Variants in DHX57 observed in about 807,000 individuals in gnomAD.
DHX57 encodes DExH-box helicase 57.
DHX57 carries 105 observed loss-of-function variants against 156.2 expected under a neutral mutation model. The ratio of observed to expected loss-of-function variants is 0.67; its 90% CI spans 0.57 to 0.79. The LOEUF is 0.79. Among genes scored for constraint, DHX57 ranks in the 30% least tolerant of loss-of-function variants. The probability of loss-of-function intolerance (pLI) is 0.00; values close to 1 mark genes in which losing one functional copy is unlikely to be tolerated. For synonymous variants in DHX57, 704 were observed against 595.6 expected (o/e 1.18, Z -2.65); for missense variants, 1,847 against 1,661.9 (o/e 1.11, Z -1.94).
chr2:38,802,776 C>A lies in DHX57; in HGVS notation c.3956G>T (p.Arg1319Ile). The A allele has an allele frequency of 1.2e-6, 2 of 1,614,202 alleles. No individual in the cohort carries two copies. The highest frequency in any genetic ancestry group is 2.2e-5 in the South Asian group (2 of 91,084). Reference sequence around the variant, plus strand: ...ATCCAGGGAGACAACGAACTCTCCTCTTTGAAGCTGCACATTCACTTGGCC... The same window carrying A: ...ATCCAGGGAGACAACGAACTCTCCTATTTGAAGCTGCACATTCACTTGGCC... Reference protein sequence around the residue: ...GGGQVNVQLQRGEFVVSLDDG... With the variant: ...GGGQVNVQLQIGEFVVSLDDG... The change falls in exon 23 of 24, where the codon AGA becomes ATA. Residue 1319 changes from arginine to isoleucine, a missense_variant. Physicochemically the swap from Arg to Ile is moderately conservative, Grantham distance 97. Coordinates refer to ENST00000457308, the MANE Select transcript of DHX57 (RefSeq NM_198963.3).
chr2:38,816,364 G>GC (rs1176400456), intron 19 of DHX57, among the ~76,000 whole-genome samples: 1 of 152,022 alleles, frequency 6.6e-6, no homozygotes, highest in African/African-American at 2.4e-5. Context: ...ACAGGTGTGT[G>GC]CCACCACGCC....
At chr2:38,802,288 CTTT>C (rs35572458) in intron 23 of DHX57, among the ~76,000 whole-genome samples, 2 of 131,664 alleles carry the variant, frequency 1.5e-5, no homozygotes. Flanking sequence ...CCATCATTCA[CTTT>C]TTTTTTTTTT....
chr2:38,868,251 T>C lies in DHX57; in HGVS notation c.155A>G (p.Lys52Arg). The C allele has an allele frequency of 1.2e-6, 2 of 1,614,096 alleles. No homozygotes were observed. The highest frequency in any genetic ancestry group is 2.2e-5 in the South Asian group (2 of 91,086). ...GGGGGGGGNR[K>R]ASSRIWDDGD... ...ATCATCCCATATTCTACTGGAGGCCTTTCTGTTGCCGCCACCTCCACCACC... is the reference window on the plus strand; with the variant it reads ...ATCATCCCATATTCTACTGGAGGCCCTTCTGTTGCCGCCACCTCCACCACC... The change falls in exon 2 of 24, where the codon AAG (lysine) becomes AGG (arginine). Residue 52 changes from lysine to arginine, a missense_variant. By Grantham distance (26) the Lys-to-Arg change is conservative (BLOSUM62 2). Transcript: ENST00000457308.
intron 23 of DHX57, among the ~76,000 whole-genome samples, chr2:38,802,131 C>T (rs1300605787): frequency 1.3e-5 from 2 of 152,052 alleles, no homozygotes; most frequent in African/African-American, 4.8e-5. Context: ...GGTCCAGCAC[C>T]CTCACTTTAC....
At chr2:38,838,640 T>C (rs1572668062) in intron 12 of DHX57, 1 of 317,456 alleles carries the variant, frequency 3.2e-6, no homozygotes, top group Non-Finnish European at 6.3e-6. Context: ...ATGAATGAGA[T>C]ATGCTGGAAG....
At chr2:38,860,636 T>C (rs975800940) in intron 5 of DHX57, among the ~76,000 whole-genome samples, 1 of 152,098 alleles carries the variant, frequency 6.6e-6, no homozygotes, top group Non-Finnish European at 1.5e-5. Flanking sequence ...AAAAATTCAT[T>C]TGAAAGTAAT....
At position 38,856,592 on chromosome 2, in the gene DHX57, T is replaced by C. The variant is rs140458592; in HGVS notation, c.1588-131A>G. The C allele has an allele frequency of 9.6e-5, 115 of 1,198,894 alleles. No individual in the cohort carries two copies. In the East Asian group the frequency reaches 3.0e-3, roughly 31 times the overall value. The allele number at this position is 1,198,894 out of a possible 1,614,324, so 74.3% of individuals were successfully genotyped here. A position where few individuals can be genotyped will look rare whatever the true frequency, so the allele number is the denominator to read the frequency against. On this transcript the variant is annotated intron_variant, in intron 6 of 23. Coordinates refer to ENST00000457308, the MANE Select transcript of DHX57 (RefSeq NM_198963.3). ...GATCACGGCTCACTCCAATCTGCACTTCCCAGGCTCTAGCGATCCTCCCGC... is the reference window on the plus strand; with the variant it reads ...GATCACGGCTCACTCCAATCTGCACCTCCCAGGCTCTAGCGATCCTCCCGC...
chr2:38,819,367 A>C (rs1670703043), intron 17 of DHX57, among the ~76,000 whole-genome samples: 1 of 152,140 alleles, frequency 6.6e-6, no homozygotes, highest in Non-Finnish European at 1.5e-5. Context: ...GTAGAGACGG[A>C]GTCTCACCAT....
chr2:38,852,795 T>C (rs1040925466), intron 9 of DHX57, among the ~76,000 whole-genome samples: 1 of 151,998 alleles, frequency 6.6e-6, no homozygotes, highest in Non-Finnish European at 1.5e-5. Flanking sequence ...TTTTATTTTA[T>C]GCCTCACCCT....
intron 5 of DHX57, 30 bp downstream of exon 5, chr2:38,860,969 C>G: frequency 6.3e-7 from 1 of 1,578,142 alleles, no homozygotes; most frequent in Non-Finnish European, 8.7e-7. Flanking sequence ...TTCTGAATGC[C>G]TCCCTCCACA....
intron 11 of DHX57, 118 bp from the exon 12 acceptor site, chr2:38,843,328 C>T (rs1371316615): frequency 2.0e-6 from 2 of 996,052 alleles, no homozygotes; most frequent in Admixed American, 2.1e-5. Context: ...AATTCACATG[C>T]CATCCTTCCA....
chr2:38,869,242 G>T (rs908860519), intron 1 of DHX57, among the ~76,000 whole-genome samples: 1 of 152,222 alleles, frequency 6.6e-6, no homozygotes, highest in Non-Finnish European at 1.5e-5. Flanking sequence ...GAAGTAGGCC[G>T]TAAGACAGAT....
intron 19 of DHX57, among the ~76,000 whole-genome samples, chr2:38,817,267 G>T (rs1670592978): frequency 6.6e-6 from 1 of 151,930 alleles, no homozygotes; most frequent in East Asian, 1.9e-4. Flanking sequence ...TTGCAAAGAT[G>T]CGTGCCATCA....
chr2:38,799,476 G>A (rs1450758666), intron 23 of DHX57, among the ~76,000 whole-genome samples: 2 of 151,382 alleles, frequency 1.3e-5, no homozygotes, highest in Admixed American at 6.6e-5. Context: ...GATAGGCTGG[G>A]CCGGGTGGCT....
At chr2:38,850,127 G>A (rs1313878809) in intron 9 of DHX57, among the ~76,000 whole-genome samples, 1 of 151,904 alleles carries the variant, frequency 6.6e-6, no homozygotes. Flanking sequence ...TATCATCTGT[G>A]TAAGAAAAAA....
intron 13 of DHX57, 100 bp from the exon 14 acceptor site, chr2:38,828,536 A>ATATAAATGAAGT (rs1243288926): frequency 2.6e-6 from 2 of 760,238 alleles, no homozygotes; most frequent in Non-Finnish European, 4.0e-6. Context: ...AAGTAAATGA[A>ATATAAATGAAGT]AAACTAATAT....
Position 38,813,809 on chromosome 2 carries a change from A to C in DHX57, c.3681+12T>G, listed in dbSNP as rs548777494. ...CAAAAAATGGAAAGATCTAGGAAAAATGTTTTGTTACCTGCACTACATTTG... is the reference window on the plus strand; with the variant it reads ...CAAAAAATGGAAAGATCTAGGAAAACTGTTTTGTTACCTGCACTACATTTG... On this transcript the variant is annotated intron_variant, in intron 21 of 23. Transcript: ENST00000457308. 1 of 1,613,386 alleles carries C rather than the reference A, an allele frequency of 6.2e-7. No homozygotes were observed. The highest frequency in any genetic ancestry group is 1.3e-5 in the African/African-American group (1 of 75,054).
intron 1 of DHX57, among the ~76,000 whole-genome samples, chr2:38,869,427 T>C (rs997570382): frequency 2.6e-5 from 4 of 152,218 alleles, no homozygotes; most frequent in Non-Finnish European, 5.9e-5. Flanking sequence ...AACCAAGGAA[T>C]AAGATCACTA....
chr2:38,827,034 G>A (rs542801871), intron 14 of DHX57, among the ~76,000 whole-genome samples: 8 of 152,244 alleles, frequency 5.3e-5, no homozygotes, highest in Admixed American at 2.6e-4. Context: ...GGGAAGCTGA[G>A]GCAGGTGAAT....
Sources: allele counts gnomAD v4.1 joint callset (sites outside exome capture counted in the v4.1 genomes callset), GRCh38; gene constraint gnomAD v4.1.1; transcripts MANE v1.5; gene names NCBI Gene and HGNC (gene_info 2026-07-23, HGNC 2026-07-21).